The following TRMT11 variants were observed in gnomAD, a reference collection of about 807,000 sequenced individuals.
TRMT11 encodes tRNA (guanine(10)-N(2))-methyltransferase TRMT11.
TRMT11 carries 53 observed loss-of-function variants against 62.8 expected under a neutral mutation model. The ratio of observed to expected loss-of-function variants is 0.84; its 90% CI spans 0.68 to 1.06. The LOEUF is 1.06. Among genes scored for constraint, TRMT11 ranks in the 50% least tolerant of loss-of-function variants. The pLI is 0.00. For missense variants in TRMT11, 556 were observed against 553.4 expected, an observed-to-expected ratio of 1.00 and a Z score of -0.05; for synonymous variants, 188 against 190.3, an observed-to-expected ratio of 0.99 and a Z score of 0.10.
At chr6:126,108,361 T>G (rs1447625711) in intron 17 of TRMT11, among the ~76,000 whole-genome samples, 1 of 152,242 alleles carries the variant, frequency 6.6e-6, no homozygotes, top group East Asian at 1.9e-4. Context: ...TCATTAAGGA[T>G]AGTGCCAACT....
chr6:126,157,935 T>C (rs2128226648), intron 21 of TRMT11, among the ~76,000 whole-genome samples: 1 of 152,328 alleles, frequency 6.6e-6, no homozygotes, highest in Middle Eastern at 3.4e-3. Context: ...TAGTAAATTT[T>C]AAGGCAAAAG....
chr6:126,231,321 T>A, the TRMT11 span, among the ~76,000 whole-genome samples: 1 of 152,206 alleles, frequency 6.6e-6, no homozygotes, highest in Non-Finnish European at 1.5e-5. Flanking sequence ...TGAATTTTTT[T>A]AAATAGATAT....
chr6:126,115,898 C>T (rs996612484), intron 21 of TRMT11, among the ~76,000 whole-genome samples: 5 of 152,110 alleles, frequency 3.3e-5, no homozygotes, highest in African/African-American at 1.2e-4. Flanking sequence ...ATCAGTCTTG[C>T]TGCACCCCCT....
chr6:125,995,078 T>A (rs183187815), intron 2 of TRMT11, among the ~76,000 whole-genome samples: 14 of 152,252 alleles, frequency 9.2e-5, no homozygotes, highest in African/African-American at 3.1e-4. Flanking sequence ...CAAACCACCA[T>A]GGCACACGTT....
At chr6:125,995,921 C>T in intron 2 of TRMT11, 46 bp from the exon 3 acceptor site, 1 of 1,153,338 alleles carries the variant, frequency 8.7e-7, no homozygotes, top group Non-Finnish European at 1.3e-6. Flanking sequence ...GCATATGAGG[C>T]CATGTAGCCA....
intron 17 of TRMT11, among the ~76,000 whole-genome samples, chr6:126,101,704 T>G (rs771902227): frequency 9.2e-5 from 14 of 152,268 alleles, no homozygotes; most frequent in Non-Finnish European, 1.6e-4. Context: ...CGTGGACAGC[T>G]GATCATCTGA....
downstream of TRMT11, among the ~76,000 whole-genome samples, chr6:126,042,285 G>A (rs996136984): frequency 6.6e-6 from 1 of 152,186 alleles, no homozygotes; most frequent in Non-Finnish European, 1.5e-5. Context: ...GCCTTACGAT[G>A]TTCATATGTT....
intron 17 of TRMT11, among the ~76,000 whole-genome samples, chr6:126,057,214 T>C (rs1776397932): frequency 6.6e-6 from 1 of 152,236 alleles, no homozygotes; most frequent in Admixed American, 6.5e-5. Context: ...CTCTCCTCTC[T>C]TCCTCTTTCC....
chr6:126,247,483 A>ATCTG, the TRMT11 span, among the ~76,000 whole-genome samples: 3 of 143,268 alleles, frequency 2.1e-5, no homozygotes, highest in Admixed American at 7.0e-5. Flanking sequence ...CTATCTATCT[A>ATCTG]TCTATCTAAA....
At chr6:126,176,514 G>A (rs931776053), upstream of TRMT11, among the ~76,000 whole-genome samples, 5 of 152,188 alleles carry the variant, frequency 3.3e-5, no homozygotes, top group African/African-American at 4.8e-5. Context: ...CTTCTTTGTA[G>A]TGTGCAATTT....
chr6:126,077,080 A>G (rs1777044874), intron 17 of TRMT11, among the ~76,000 whole-genome samples: 1 of 152,206 alleles, frequency 6.6e-6, no homozygotes. Flanking sequence ...GATTTGGCTC[A>G]GTTACCCTAT....
chr6:126,101,732 C>T (rs1337180534), intron 17 of TRMT11, among the ~76,000 whole-genome samples: 1 of 152,218 alleles, frequency 6.6e-6, no homozygotes, highest in Non-Finnish European at 1.5e-5. Context: ...GCCGCATTTC[C>T]AGTTCTCTTT....
chr6:126,257,970 A>G, the TRMT11 span: 1 of 1,564,102 alleles, frequency 6.4e-7, no homozygotes, highest in Non-Finnish European at 8.8e-7. Flanking sequence ...GATCTTGTCC[A>G]GCAGGTCAGG....
At chr6:126,050,353 A>C (rs910982397) in intron 16 of TRMT11, among the ~76,000 whole-genome samples, 1 of 150,378 alleles carries the variant, frequency 6.6e-6, no homozygotes, top group Admixed American at 6.6e-5. Flanking sequence ...AAAAAAATAG[A>C]CAATAGAAAG....
At chr6:126,248,922 C>T in the TRMT11 span, among the ~76,000 whole-genome samples, 1 of 152,092 alleles carries the variant, frequency 6.6e-6, no homozygotes, top group Non-Finnish European at 1.5e-5. Flanking sequence ...TCCAGTTAAA[C>T]ACCAGTTGTA....
At chr6:126,089,363 C>T (rs1167253471) in intron 17 of TRMT11, among the ~76,000 whole-genome samples, 3 of 152,136 alleles carry the variant, frequency 2.0e-5, no homozygotes, top group Non-Finnish European at 2.9e-5. Context: ...CCGCCTGTCT[C>T]GGCCTCCCAA....
At chr6:126,159,662 A>C (rs1036837602) in intron 21 of TRMT11, among the ~76,000 whole-genome samples, 6 of 152,210 alleles carry the variant, frequency 3.9e-5, no homozygotes, top group African/African-American at 1.4e-4. Flanking sequence ...AAGAGGCTTA[A>C]AACAGTGGAA....
intron 17 of TRMT11, among the ~76,000 whole-genome samples, chr6:126,079,936 A>C (rs1777121989): frequency 6.6e-6 from 1 of 152,206 alleles, no homozygotes. Context: ...CACATTCACT[A>C]TAAAGAGCAG....
intron 17 of TRMT11, among the ~76,000 whole-genome samples, chr6:126,095,530 A>G (rs982326113): frequency 2.0e-5 from 3 of 152,146 alleles, no homozygotes; most frequent in Admixed American, 1.3e-4. Flanking sequence ...TCTGATACCA[A>G]TTTGGCTTTC....
Sources: gnomAD v4.1 joint callset for allele counts (sites outside exome capture counted in the v4.1 genomes callset) on GRCh38, gnomAD v4.1.1 for gene constraint, MANE v1.5 for transcripts, NCBI Gene and HGNC (gene_info 2026-07-23, HGNC 2026-07-21) for gene names.